GCNA: variants seen among roughly 807,000 people sequenced by gnomAD.
The protein encoded by GCNA is germ cell nuclear acidic peptidase.
Under a neutral mutation model 38.8 loss-of-function variants are expected in GCNA, and 3 were observed. The observed-to-expected ratio is 0.08, with a 90% CI of 0.04 to 0.20. GCNA has a LOEUF of 0.20. Ranked by LOEUF, GCNA falls within the 10% of genes least tolerant of loss-of-function variation. The probability of loss-of-function intolerance (pLI) is 1.00; values close to 1 mark genes in which losing one functional copy is unlikely to be tolerated. For synonymous variants in GCNA, 195 were observed against 240.2 expected, an observed-to-expected ratio of 0.81 and a Z score of 1.74; for missense variants, 446 against 578.6, an observed-to-expected ratio of 0.77 and a Z score of 2.35.
chrX:71,611,462 G>A (rs1317686561), intron 11 of GCNA, among the ~76,000 whole-genome samples: 1 of 111,823 alleles, frequency 8.9e-6, no homozygotes, highest in East Asian at 2.8e-4. Context: ...GAGCCCAAGA[G>A]TTCGAGGCCG....
chrX:71,604,399 T>C lies in GCNA; in HGVS notation c.1122T>C (p.Asp374=), dbSNP rs1319868344. 3 of 1,209,675 alleles carry C rather than the reference T, an allele frequency of 2.5e-6. No individual in the cohort carries two copies. The African/African-American group carries it at 5.2e-5, about 21-fold the overall frequency. The change falls in exon 8 of 13, where the codon GAT becomes GAC. Residue 374 remains aspartate, a synonymous_variant. Transcript: ENST00000373696. ...HDSSDDAGEQ[D]LGENLSKPPS... The stretch of plus-strand genomic sequence containing the variant: ...CATCTGATGATGCTGGTGAGCAGGA[T>C]CTTGGTGAGAATCTCAGCAAACCAC...
rs148012096 is a variant in GCNA, at chrX:71,612,437, C to A, written c.1833C>A (p.Asp611Glu). ...LIDGIHDSHG[D>E]AWKYYARKSN... ...ATGGTATCCATGATTCTCATGGTGACGCATGGAAGTATTATGCCAGGAAAT... is the reference window on the plus strand; with the variant it reads ...ATGGTATCCATGATTCTCATGGTGAAGCATGGAAGTATTATGCCAGGAAAT... The change falls in exon 12 of 13, where the codon GAC (aspartate) becomes GAA (glutamate). Residue 611 changes from aspartate (D) to glutamate (E), a missense_variant. Physicochemically the swap from Asp to Glu is conservative, Grantham distance 45. This residue lies in a region of GCNA where 60 missense variants were observed against 111.0 expected (regional missense o/e 0.54). Coordinates refer to ENST00000373696, the MANE Select transcript of GCNA (RefSeq NM_052957.5). 3 of 1,207,330 alleles carry A rather than the reference C, an allele frequency of 2.5e-6. No homozygotes were observed. In the South Asian group the frequency reaches 5.3e-5, roughly 21 times the overall value.
intron 2 of GCNA, among the ~76,000 whole-genome samples, chrX:71,591,036 C>G (rs2040624194): frequency 9.0e-6 from 1 of 111,447 alleles, no homozygotes; most frequent in Admixed American, 9.6e-5. Context: ...TATTATGTCC[C>G]CCTCCTTTAG....
At chrX:71,606,284 T>G (rs2040768861) in intron 9 of GCNA, among the ~76,000 whole-genome samples, 1 of 112,513 alleles carries the variant, frequency 8.9e-6, no homozygotes, top group African/African-American at 3.2e-5. Flanking sequence ...CTGTATGAAT[T>G]TTTAAGCTTA....
chrX:71,611,472 G>A lies in GCNA; in HGVS notation c.1750+653G>A, dbSNP rs898869962. ...TGCTTGAGCCCAAGAGTTCGAGGCC[G>A]TAGTACACTATGATCGCACCTGTGA... On this transcript the variant is annotated intron_variant, in intron 11 of 12. Coordinates refer to ENST00000373696, the MANE Select transcript of GCNA (RefSeq NM_052957.5). Among the ~76,000 whole-genome samples, 20 of 111,877 alleles carry A rather than the reference G, an allele frequency of 1.8e-4. 1 individual carries two copies. The highest frequency in any genetic ancestry group is 2.8e-4 in the Admixed American group (3 of 10,548).
chrX:71,588,684 G>A (rs1301274335), intron 2 of GCNA, among the ~76,000 whole-genome samples: 1 of 110,398 alleles, frequency 9.1e-6, no homozygotes, highest in Non-Finnish European at 1.9e-5. Context: ...AAAATGAGCT[G>A]GGCGTGGTGA....
Position 71,603,966 on chromosome X carries a change from A to G in GCNA, c.689A>G (p.Asp230Gly), listed in dbSNP as rs1194867162. The G allele has an allele frequency of 8.3e-7, 1 of 1,211,107 alleles. No individual in the cohort carries two copies. The highest frequency in any genetic ancestry group is 1.8e-5 in the South Asian group (1 of 56,908). ...DDSDVPDDSS[D>G]DSDVPDDSSD... Reference sequence around the variant, plus strand: ...TCGGATGTTCCCGACGACAGCAGTGATGATTCGGATGTTCCCGACGACAGC... The same window carrying G: ...TCGGATGTTCCCGACGACAGCAGTGGTGATTCGGATGTTCCCGACGACAGC... Residue 230 changes from aspartate to glycine, a missense_variant, in exon 8 of 13, where the codon GAT (aspartate) becomes GGT (glycine). Transcript: ENST00000373696.
At position 71,604,677 on chromosome X, in the gene GCNA, G is replaced by T; in HGVS notation, c.1399+1G>T. 4.1e-6 allele frequency: 5 copies of T among 1,208,847 alleles called. No individual in the cohort carries two copies. Among genetic ancestry groups the T allele is most frequent in the Non-Finnish European group, 5.6e-6 (5 of 894,424 alleles). On this transcript the variant is annotated splice_donor_variant, in intron 8 of 12. Coordinates refer to ENST00000373696, the MANE Select transcript of GCNA (RefSeq NM_052957.5). LOFTEE classifies it high-confidence loss of function. ...ACCAAAAATGTATCTGTGACACCTG[G>T]TAAGCCAGTCATGCCAAGTATGCCT...
chrX:71,612,310 A>AT, intron 11 of GCNA, 45 bp from the exon 12 acceptor site: 2 of 444,881 alleles, frequency 4.5e-6, no homozygotes, highest in Non-Finnish European at 7.5e-6. Flanking sequence ...AAAAAAAAAG[A>AT]GGATTGGTTT....
rs138927483 is a variant in GCNA at position 71,612,896 on chromosome X, C to T, written c.1990C>T (p.Arg664Cys). Reference sequence around the variant, plus strand: ...CTACACCAAATCGTTGGACACCAGCCGCTTCATCTGTGCCAAATGCAAGGG... The same window carrying T: ...CTACACCAAATCGTTGGACACCAGCTGCTTCATCTGTGCCAAATGCAAGGG... Reference protein sequence around the residue: ...GCYTKSLDTSRFICAKCKGSL... With the variant: ...GCYTKSLDTSCFICAKCKGSL... Residue 664 changes from arginine (R) to cysteine (C), a missense_variant, in exon 13 of 13, where the codon CGC becomes TGC. Arg to Cys is a radical substitution (Grantham distance 180). Transcript: ENST00000373696. 3.1e-4 allele frequency: 379 copies of T among 1,209,816 alleles called. 3 individuals are homozygous for T. The highest frequency in any genetic ancestry group is 2.8e-3 in the African/African-American group (159 of 57,183).
At chrX:71,610,890 C>G in intron 11 of GCNA, 71 bp downstream of exon 11, 1 of 1,176,570 alleles carries the variant, frequency 8.5e-7, no homozygotes, top group Non-Finnish European at 1.1e-6. Context: ...GAAATTACTC[C>G]TAGCTGGTAG....
chrX:71,595,960 A>G (rs2040668352), intron 6 of GCNA, among the ~76,000 whole-genome samples: 1 of 112,509 alleles, frequency 8.9e-6, no homozygotes, highest in Non-Finnish European at 1.9e-5. Flanking sequence ...TCATGCCTGT[A>G]ATCCCAGCAC....
chrX:71,611,725 G>A (rs2147735038), intron 11 of GCNA, among the ~76,000 whole-genome samples: 1 of 111,153 alleles, frequency 9.0e-6, no homozygotes, highest in African/African-American at 3.3e-5. Context: ...CTCTGTTCCT[G>A]GAGGGCAGAA....
At chrX:71,586,142 T>G (rs1345115996) in intron 2 of GCNA, among the ~76,000 whole-genome samples, 4 of 108,296 alleles carry the variant, frequency 3.7e-5, no homozygotes, top group Non-Finnish European at 5.7e-5. Context: ...AATAAATGTT[T>G]TTTTTTTTTT....
At chrX:71,578,823 C>T (rs1482246995) in intron 1 of GCNA, among the ~76,000 whole-genome samples, 4 of 100,071 alleles carry the variant, frequency 4.0e-5, no homozygotes, top group Admixed American at 1.1e-4. Flanking sequence ...CCAGTGGCGG[C>T]GTGGGGAGAA....
At chrX:71,586,006 A>G (rs984998984) in intron 2 of GCNA, among the ~76,000 whole-genome samples, 6 of 110,020 alleles carry the variant, frequency 5.5e-5, no homozygotes, top group African/African-American at 1.7e-4. Context: ...TGGGGGTTAG[A>G]AACACGTAAA....
chrX:71,591,661 A>G (rs1305593524), intron 2 of GCNA, among the ~76,000 whole-genome samples: 2 of 106,062 alleles, frequency 1.9e-5, no homozygotes, highest in Non-Finnish European at 3.9e-5. Flanking sequence ...TTTTTTAGAG[A>G]CAGGGTCTTG....
chrX:71,604,267 T>C lies in GCNA; in HGVS notation c.990T>C (p.Asp330=). Reference sequence around the variant, plus strand: ...CGGATGTTCCCGATGACAATAGTGATGATTTGGAAGTTCCTGTGCCAGCAG... The same window carrying C: ...CGGATGTTCCCGATGACAATAGTGACGATTTGGAAGTTCCTGTGCCAGCAG... The part of the protein sequence containing the change: ...DDSDVPDDNS[D]DLEVPVPAED... Residue 330 remains aspartate, a synonymous_variant, in exon 8 of 13, where the codon GAT becomes GAC. Transcript: ENST00000373696. 8.2e-7 allele frequency: 1 copy of C among 1,212,463 alleles called. No individual in the cohort carries two copies. Among genetic ancestry groups the C allele is most frequent in the South Asian group, 1.8e-5 (1 of 57,042 alleles).
chrX:71,598,064 A>G (rs751518245), intron 7 of GCNA, 26 bp downstream of exon 7: 1 of 1,105,256 alleles, frequency 9.0e-7, no homozygotes, highest in African/African-American at 1.8e-5. Flanking sequence ...TTTGTTAGAT[A>G]AGTAGCTGAG....
Sources: allele counts gnomAD v4.1 joint callset (sites outside exome capture counted in the v4.1 genomes callset), GRCh38; gene constraint gnomAD v4.1.1; regional missense constraint gnomAD v4.1.1; transcripts MANE v1.5; gene names NCBI Gene and HGNC (gene_info 2026-07-23, HGNC 2026-07-21).